Variants in RGS10 observed in about 807,000 individuals in gnomAD.
RGS10 encodes regulator of G-protein signalling 10.
A neutral mutation model predicts 23.5 loss-of-function variants in RGS10; 11 were observed. That is an observed-to-expected ratio of 0.47 (90% CI 0.29 to 0.77). The LOEUF is 0.77. RGS10 is among the 30% of genes least tolerant of loss of function. The pLI is 0.08. For missense variants in RGS10, 180 were observed against 226.3 expected, an observed-to-expected ratio of 0.80 and a Z score of 1.31; for synonymous variants, 77 against 83.2, an observed-to-expected ratio of 0.92 and a Z score of 0.41.
intron 4 of RGS10, among the ~76,000 whole-genome samples, chr10:119,504,275 C>T (rs554287516): frequency 6.8e-4 from 103 of 152,276 alleles, no homozygotes; most frequent in African/African-American, 2.4e-3. Flanking sequence ...CTGCAAACTC[C>T]GCCTCCTGGG....
At chr10:119,540,227 C>T (rs1005326927) in intron 1 of RGS10, among the ~76,000 whole-genome samples, 2 of 152,052 alleles carry the variant, frequency 1.3e-5, no homozygotes, top group Admixed American at 6.6e-5. Context: ...TCCTTCCTTC[C>T]TTCCTTTTTT....
intron 1 of RGS10, among the ~76,000 whole-genome samples, chr10:119,536,902 G>A (rs1042417109): frequency 2.0e-5 from 3 of 152,160 alleles, no homozygotes; most frequent in African/African-American, 7.2e-5. Flanking sequence ...TCGAGGCAAA[G>A]TAAATGACTT....
At chr10:119,522,223 T>C (rs1312755405) in intron 3 of RGS10, among the ~76,000 whole-genome samples, 2 of 152,130 alleles carry the variant, frequency 1.3e-5, no homozygotes, top group Non-Finnish European at 2.9e-5. Context: ...ATATGTGAAG[T>C]TGTTGAATGC....
At chr10:119,508,888 G>C (rs563970739) in intron 4 of RGS10, among the ~76,000 whole-genome samples, 1 of 152,204 alleles carries the variant, frequency 6.6e-6, no homozygotes, top group East Asian at 1.9e-4. Context: ...CTTGAGCCCA[G>C]GAGTTCAAGA....
At position 119,515,683 on chromosome 10, in the gene RGS10, C is replaced by T. The variant is rs555194939; in HGVS notation, c.256-31G>A. ...GGAGACAGATGGGGCCTTGTGCTAT[C>T]TGCACACACAGCCTTCCCGGCCTGA... On this transcript the variant is annotated intron_variant, in intron 3 of 4. Transcript: ENST00000369103. 5.6e-6 allele frequency: 9 copies of T among 1,612,532 alleles called. No homozygotes were observed. In the East Asian group the frequency reaches 1.6e-4, roughly 28 times the overall value.
chr10:119,500,983 G>A (rs889712319), intron 4 of RGS10, among the ~76,000 whole-genome samples: 1 of 151,944 alleles, frequency 6.6e-6, no homozygotes, highest in Non-Finnish European at 1.5e-5. Flanking sequence ...GGCTGCCCCC[G>A]CCGGCATGGC....
At chr10:119,541,529 C>A (rs1269846460) in intron 1 of RGS10, among the ~76,000 whole-genome samples, 2 of 152,098 alleles carry the variant, frequency 1.3e-5, no homozygotes, top group Non-Finnish European at 2.9e-5. Flanking sequence ...GTGAATATGG[C>A]GAAGGTGAGA....
intron 1 of RGS10, among the ~76,000 whole-genome samples, chr10:119,532,336 T>C (rs1417874703): frequency 6.6e-6 from 1 of 152,152 alleles, no homozygotes; most frequent in Non-Finnish European, 1.5e-5. Context: ...CAGACAGGGA[T>C]AGCCCTTAGG....
rs1844250163 is a variant in RGS10, at chr10:119,524,456, G to A, written c.255+1576C>T. Among the ~76,000 whole-genome samples the A allele has an allele frequency of 6.6e-6, 1 of 152,180 alleles. No individual in the cohort carries two copies. The highest frequency in any genetic ancestry group is 1.5e-5 in the Non-Finnish European group (1 of 68,034). On this transcript the variant is annotated intron_variant, in intron 3 of 4. Coordinates refer to ENST00000369103, the MANE Select transcript of RGS10 (RefSeq NM_001005339.2). The surrounding 1 kb of genome is among the most constrained non-coding windows in gnomAD (Gnocchi z 5.2). ...CTAACACTCAAAAGAATAAGGCAGG[G>A]GAATGGACATCTGTTGGCTTGCTTG...
chr10:119,505,437 C>T (rs745434619), intron 4 of RGS10, among the ~76,000 whole-genome samples: 2 of 148,860 alleles, frequency 1.3e-5, no homozygotes, highest in South Asian at 2.1e-4. Context: ...TGTTTAGCAT[C>T]GTTGCCTTGG....
At chr10:119,529,161 C>T (rs997261704) in intron 1 of RGS10, among the ~76,000 whole-genome samples, 3 of 152,124 alleles carry the variant, frequency 2.0e-5, no homozygotes, top group Admixed American at 6.6e-5. Context: ...AGGTTCAAAA[C>T]CCAGTTTCTG....
At chr10:119,515,906 G>A (rs1027541550) in intron 3 of RGS10, among the ~76,000 whole-genome samples, 1 of 152,174 alleles carries the variant, frequency 6.6e-6, no homozygotes, top group Non-Finnish European at 1.5e-5. Context: ...TAACCATTCA[G>A]AAGTGATGAC....
intron 4 of RGS10, among the ~76,000 whole-genome samples, chr10:119,510,026 G>A (rs1377322106): frequency 6.6e-6 from 1 of 152,164 alleles, no homozygotes; most frequent in African/African-American, 2.4e-5. Flanking sequence ...GCCACAGTCA[G>A]GAGGTCAGGG....
intron 4 of RGS10, 127 bp downstream of exon 4, chr10:119,515,382 C>T: frequency 8.7e-7 from 1 of 1,149,142 alleles, no homozygotes; most frequent in Middle Eastern, 2.3e-4. Context: ...CCTCAGTGTA[C>T]CTCGGTCTGC....
intron 1 of RGS10, among the ~76,000 whole-genome samples, chr10:119,528,031 T>TTTTG (rs1397959155): frequency 5.3e-5 from 8 of 152,056 alleles, no homozygotes; most frequent in South Asian, 2.1e-4. Flanking sequence ...CAATAGCTCT[T>TTTTG]TTTGTTTGTT....
chr10:119,501,854 T>A (rs977850953), intron 4 of RGS10, among the ~76,000 whole-genome samples: 5 of 152,218 alleles, frequency 3.3e-5, no homozygotes, highest in African/African-American at 4.8e-5. Flanking sequence ...TACACCTTCA[T>A]CTTCCCAAGA....
intron 4 of RGS10, among the ~76,000 whole-genome samples, chr10:119,506,881 A>C (rs1167649002): frequency 6.6e-6 from 1 of 152,120 alleles, no homozygotes; most frequent in Non-Finnish European, 1.5e-5. Context: ...TTGTATTTTT[A>C]GTAGAGACGG....
At position 119,526,049 on chromosome 10, in the gene RGS10, T is replaced by C; in HGVS notation, c.238A>G (p.Met80Val). The change falls in exon 3 of 5, where the codon ATG becomes GTG. Residue 80 changes from methionine to valine, a missense_variant. Transcript: ENST00000369103. ...FWLACEDFKKMQDKTQMQEKA... is the reference protein window; with the variant it reads ...FWLACEDFKKVQDKTQMQEKA... The stretch of plus-strand genomic sequence containing the variant: ...GGAAATACCTGCGTCTTATCTTGCA[T>C]TTTCTTAAAATCTTCACATGCTAGC... The C allele has an allele frequency of 6.4e-7, 1 of 1,573,692 alleles. No individual in the cohort carries two copies. The highest frequency in any genetic ancestry group is 8.6e-7 in the Non-Finnish European group (1 of 1,159,514).
intron 3 of RGS10, among the ~76,000 whole-genome samples, chr10:119,518,712 C>CT (rs901649220): frequency 1.6e-4 from 23 of 147,690 alleles, no homozygotes; most frequent in South Asian, 2.1e-4. Flanking sequence ...CCCAATCCCT[C>CT]TTTTTTTTTT....
Sources: gnomAD v4.1 joint callset for allele counts (sites outside exome capture counted in the v4.1 genomes callset) on GRCh38, gnomAD v4.1.1 for gene constraint, Gnocchi (gnomAD v3.1) non-coding constraint, MANE v1.5 for transcripts, NCBI Gene and HGNC (gene_info 2026-07-23, HGNC 2026-07-21) for gene names.